Variants in PPP3CA observed in about 807,000 individuals in gnomAD.
PPP3CA encodes CAM-PRP catalytic subunit.
A neutral mutation model predicts 66.5 loss-of-function variants in PPP3CA; 14 were observed. The ratio of observed to expected loss-of-function variants is 0.21; its 90% CI spans 0.14 to 0.33. PPP3CA has a LOEUF of 0.33. Ranked by LOEUF, PPP3CA falls within the 10% of genes least tolerant of loss-of-function variation. The pLI, the probability that PPP3CA is intolerant of heterozygous loss-of-function variation, is 1.00. For synonymous variants in PPP3CA, 232 were observed against 226.2 expected (o/e 1.03, Z -0.23); for missense variants, 317 against 639.5 (o/e 0.50, Z 5.44).
At chr4:101,285,924 C>T (rs1452784733) in intron 1 of PPP3CA, among the ~76,000 whole-genome samples, 2 of 152,164 alleles carry the variant, frequency 1.3e-5, no homozygotes, top group Non-Finnish European at 2.9e-5. Context: ...AACTCCTACA[C>T]CTAAATTGCA....
intron 2 of PPP3CA, among the ~76,000 whole-genome samples, chr4:101,130,091 C>A (rs892767971): frequency 6.6e-6 from 1 of 151,832 alleles, no homozygotes; most frequent in Admixed American, 6.6e-5. Flanking sequence ...AGCACGAGAA[C>A]TTAATGAAGC....
At chr4:101,062,712 G>A (rs971640851) in intron 9 of PPP3CA, among the ~76,000 whole-genome samples, 8 of 151,882 alleles carry the variant, frequency 5.3e-5, no homozygotes, top group East Asian at 1.9e-4. Context: ...CTTATAATGC[G>A]CTAATGCCTA....
intron 2 of PPP3CA, among the ~76,000 whole-genome samples, chr4:101,148,903 T>C (rs1262273954): frequency 6.6e-6 from 1 of 152,164 alleles, no homozygotes. Flanking sequence ...AAAAAATTGT[T>C]AAAGCATAAT....
Position 101,025,849 on chromosome 4 carries a change from A to AAAG in PPP3CA, c.*15_*16insCTT. ...AAAAAAAAAAAAAAAAAAAAAAAAA[A>AAAG]GTGAACAGGAAGTGGTCACTGAATA... On this transcript the variant is annotated 3_prime_UTR_variant, in exon 14 of 14. Coordinates refer to ENST00000394854, the MANE Select transcript of PPP3CA (RefSeq NM_000944.5). 1.7e-6 allele frequency: 2 copies of AAAG among 1,195,700 alleles called. No homozygotes were observed. Among genetic ancestry groups the AAAG allele is most frequent in the Non-Finnish European group, 2.3e-6 (2 of 884,654 alleles). The allele number at this position is 1,195,700 out of a possible 1,614,324, so 74.1% of individuals were successfully genotyped here.
intron 1 of PPP3CA, among the ~76,000 whole-genome samples, chr4:101,314,246 T>G (rs886328655): frequency 3.9e-5 from 6 of 151,944 alleles, no homozygotes; most frequent in Admixed American, 3.3e-4. Flanking sequence ...TTTTAAGGAG[T>G]AAGTTCGGCA....
chr4:101,174,087 C>T (rs1227198454), intron 2 of PPP3CA, among the ~76,000 whole-genome samples: 6 of 150,636 alleles, frequency 4.0e-5, no homozygotes, highest in Non-Finnish European at 8.8e-5. Context: ...ACAAAAACTA[C>T]GCCCCCCCCA....
chr4:101,093,929 A>G lies in PPP3CA; in HGVS notation c.643-14T>C. The G allele has an allele frequency of 6.3e-7, 1 of 1,592,834 alleles. No individual in the cohort carries two copies. ...GAATCGGTCTAACTAAGAAAAATAG[A>G]AGACAGAGAGCAAAATACTAATCTT... On this transcript the variant is annotated splice_polypyrimidine_tract_variant and intron_variant, in intron 5 of 13. Coordinates refer to ENST00000394854, the MANE Select transcript of PPP3CA (RefSeq NM_000944.5).
chr4:101,189,291 A>G (rs1724512198), intron 2 of PPP3CA, among the ~76,000 whole-genome samples: 1 of 152,180 alleles, frequency 6.6e-6, no homozygotes, highest in Admixed American at 6.6e-5. Flanking sequence ...CAGTTATACT[A>G]AAATTATTTT....
chr4:101,336,487 G>A (rs915973962), intron 1 of PPP3CA, among the ~76,000 whole-genome samples: 3 of 150,074 alleles, frequency 2.0e-5, no homozygotes, highest in Non-Finnish European at 1.5e-5. Flanking sequence ...CACAAGAATC[G>A]TTTGAACTTC....
chr4:101,203,110 G>A (rs1205787940), intron 1 of PPP3CA, among the ~76,000 whole-genome samples: 1 of 152,030 alleles, frequency 6.6e-6, no homozygotes, highest in Admixed American at 6.6e-5. Context: ...TTTTTCTCAG[G>A]CTTACAGAAT....
intron 3 of PPP3CA, among the ~76,000 whole-genome samples, chr4:101,106,394 A>AAGG (rs1730686546): frequency 1.4e-4 from 1 of 7,386 alleles, no homozygotes; most frequent in Non-Finnish European, 2.8e-4. Context: ...AGAAAGAAAG[A>AAGG]AAGAAAGAAA....
At chr4:101,298,383 G>C (rs1005965469) in intron 1 of PPP3CA, among the ~76,000 whole-genome samples, 1 of 150,620 alleles carries the variant, frequency 6.6e-6, no homozygotes, top group Non-Finnish European at 1.5e-5. Flanking sequence ...CTTTAACAAC[G>C]TAAGTTTGAA....
intron 1 of PPP3CA, among the ~76,000 whole-genome samples, chr4:101,247,369 C>A (rs1208459860): frequency 6.6e-6 from 1 of 151,952 alleles, no homozygotes; most frequent in African/African-American, 2.4e-5. Context: ...ACTGTGTTGG[C>A]CAGGCTGGTC....
chr4:101,036,369 CTT>C (rs1727248154), intron 11 of PPP3CA, among the ~76,000 whole-genome samples: 1 of 151,956 alleles, frequency 6.6e-6, no homozygotes. Context: ...TTGCTGTACT[CTT>C]GTCTCTGTGT....
At chr4:101,243,815 TGTG>T (rs1228541259) in intron 1 of PPP3CA, among the ~76,000 whole-genome samples, 2 of 152,208 alleles carry the variant, frequency 1.3e-5, no homozygotes, top group East Asian at 3.9e-4. Context: ...TACATGCCTG[TGTG>T]GTCTTGGGTA....
At chr4:101,095,977 A>T (rs1420102476) in intron 5 of PPP3CA, among the ~76,000 whole-genome samples, 1 of 152,088 alleles carries the variant, frequency 6.6e-6, no homozygotes, top group Admixed American at 6.6e-5. Context: ...ATACTGAACC[A>T]GCATCACATC....
chr4:101,184,384 T>C (rs911943691), intron 2 of PPP3CA, among the ~76,000 whole-genome samples: 1 of 152,160 alleles, frequency 6.6e-6, no homozygotes, highest in African/African-American at 2.4e-5. Context: ...AGCTTCTTTA[T>C]CTATAACTGT....
At chr4:101,190,570 T>G (rs1046139945) in intron 2 of PPP3CA, among the ~76,000 whole-genome samples, 2 of 152,200 alleles carry the variant, frequency 1.3e-5, no homozygotes, top group Admixed American at 1.3e-4. Context: ...GTTCAGCTAT[T>G]CTTAATAGAA....
chr4:101,023,652 G>A lies in PPP3CA; in HGVS notation c.*2213C>T, dbSNP rs553911015. On this transcript the variant is annotated 3_prime_UTR_variant, in exon 14 of 14. Transcript: ENST00000394854. ...CCTTGGTTGCCACTTTTTTTAGGAT[G>A]GAGAAATATCCACAGGAAAAAATGT... 1 of 152,636 alleles carries A rather than the reference G, an allele frequency of 6.6e-6. No homozygotes were observed. The highest frequency in any genetic ancestry group is 2.1e-4 in the South Asian group (1 of 4,816). 9.5% of individuals were successfully genotyped at this position (152,636 alleles called of 1,614,324 possible).
Sources: allele counts gnomAD v4.1 joint callset (sites outside exome capture counted in the v4.1 genomes callset), GRCh38; gene constraint gnomAD v4.1.1; transcripts MANE v1.5; gene names NCBI Gene and HGNC (gene_info 2026-07-23, HGNC 2026-07-21).